Variants in TAFA1 observed in about 807,000 individuals in gnomAD.
TAFA1 encodes the protein TAFA chemokine like family member 1, also known as chemokine-like protein TAFA-1.
TAFA1 carries 4 observed loss-of-function variants against 18.5 expected under a neutral mutation model. The ratio of observed to expected loss-of-function variants is 0.22; its 90% CI spans 0.11 to 0.49. The LOEUF (loss-of-function observed/expected upper bound fraction) is 0.49. Among genes scored for constraint, TAFA1 ranks in the 20% least tolerant of loss-of-function variants. The pLI, the probability that TAFA1 is intolerant of heterozygous loss-of-function variation, is 0.98. For missense variants in TAFA1, 147 were observed against 169.0 expected (o/e 0.87, Z 0.72); for synonymous variants, 56 against 55.2 (o/e 1.01, Z -0.06).
At chr3:68,244,806 T>G (rs890561374) in intron 2 of TAFA1, among the ~76,000 whole-genome samples, 1 of 152,240 alleles carries the variant, frequency 6.6e-6, no homozygotes, top group African/African-American at 2.4e-5. Flanking sequence ...TATTAACTGA[T>G]TATTATTTGC....
At chr3:68,120,400 C>G (rs1196960702) in intron 2 of TAFA1, among the ~76,000 whole-genome samples, 1 of 151,984 alleles carries the variant, frequency 6.6e-6, no homozygotes, top group East Asian at 1.9e-4. Flanking sequence ...AGGTGTACAG[C>G]ACTGCACCTG....
intron 2 of TAFA1, among the ~76,000 whole-genome samples, chr3:68,060,204 T>TTG (rs56680758): frequency 0.017 from 2,546 of 150,022 alleles, 58 homozygotes; most frequent in African/African-American, 0.048. Flanking sequence ...GTGTGTGTGT[T>TTG]TGTGTGTGTG....
chr3:68,162,810 A>T (rs980470209), intron 2 of TAFA1, among the ~76,000 whole-genome samples: 1 of 152,228 alleles, frequency 6.6e-6, no homozygotes, highest in African/African-American at 2.4e-5. Context: ...ATGTTATCTG[A>T]AAAACCTAAA....
chr3:68,008,457 A>T (rs1704407553), intron 2 of TAFA1, among the ~76,000 whole-genome samples: 1 of 152,172 alleles, frequency 6.6e-6, no homozygotes, highest in East Asian at 1.9e-4. Context: ...GGCTCTGAGG[A>T]TTAGTTCACA....
At chr3:68,384,532 G>C (rs1354135960) in intron 2 of TAFA1, among the ~76,000 whole-genome samples, 2 of 151,998 alleles carry the variant, frequency 1.3e-5, no homozygotes, top group Non-Finnish European at 2.9e-5. Flanking sequence ...CAGAAAGATT[G>C]TTTATTGTGG....
intron 2 of TAFA1, among the ~76,000 whole-genome samples, chr3:68,348,514 C>G (rs761374543): frequency 2.0e-5 from 3 of 152,108 alleles, no homozygotes; most frequent in Non-Finnish European, 4.4e-5. Flanking sequence ...CCATTGCAAG[C>G]TACCTGAGAC....
At chr3:68,208,092 A>G (rs894787338) in intron 2 of TAFA1, among the ~76,000 whole-genome samples, 2 of 151,908 alleles carry the variant, frequency 1.3e-5, no homozygotes, top group Non-Finnish European at 2.9e-5. Flanking sequence ...AGAGAAGATG[A>G]GGTTATTTTT....
At chr3:68,357,681 A>C (rs2069391442) in intron 2 of TAFA1, among the ~76,000 whole-genome samples, 1 of 151,852 alleles carries the variant, frequency 6.6e-6, no homozygotes, top group African/African-American at 2.4e-5. Context: ...GGCTCTTGTC[A>C]ACTATATTCT....
At chr3:68,487,523 G>A (rs577649568) in intron 3 of TAFA1, among the ~76,000 whole-genome samples, 6 of 152,008 alleles carry the variant, frequency 3.9e-5, no homozygotes, top group South Asian at 2.1e-4. Context: ...CGAGGCGGGC[G>A]GATCACAAGG....
intron 2 of TAFA1, among the ~76,000 whole-genome samples, chr3:68,072,597 C>T (rs531892377): frequency 3.9e-5 from 6 of 152,044 alleles, no homozygotes; most frequent in Admixed American, 1.3e-4. Flanking sequence ...AAAATAGGCA[C>T]GTCCTGATTT....
intron 2 of TAFA1, chr3:68,251,040 A>G (rs1275818849): frequency 6.6e-6 from 1 of 152,160 alleles, no homozygotes; most frequent in Non-Finnish European, 1.5e-5. Flanking sequence ...ACCAGCAAGC[A>G]GTGATAAATG....
At chr3:68,484,788 T>C (rs2072306647) in intron 3 of TAFA1, among the ~76,000 whole-genome samples, 1 of 152,196 alleles carries the variant, frequency 6.6e-6, no homozygotes, top group Admixed American at 6.5e-5. Context: ...GCCCACATTC[T>C]CCCCTTCTAC....
intron 2 of TAFA1, among the ~76,000 whole-genome samples, chr3:68,241,932 A>T (rs1006107127): frequency 6.6e-6 from 1 of 152,230 alleles, no homozygotes; most frequent in African/African-American, 2.4e-5. Flanking sequence ...TTTGCAAATT[A>T]TCTGAATAGT....
At chr3:68,238,050 A>G (rs2066951149) in intron 2 of TAFA1, among the ~76,000 whole-genome samples, 1 of 151,982 alleles carries the variant, frequency 6.6e-6, no homozygotes, top group Non-Finnish European at 1.5e-5. Flanking sequence ...CCTCACCACT[A>G]AATACTGAAA....
At chr3:68,114,746 A>G (rs945555628) in intron 2 of TAFA1, among the ~76,000 whole-genome samples, 4 of 152,212 alleles carry the variant, frequency 2.6e-5, no homozygotes, top group Non-Finnish European at 4.4e-5. Context: ...ACTAAGAAAT[A>G]TATATGAGTG....
intron 2 of TAFA1, among the ~76,000 whole-genome samples, chr3:68,370,351 T>TATAC (rs1201597484): frequency 4.0e-4 from 18 of 44,454 alleles, no homozygotes; most frequent in Non-Finnish European, 6.5e-4. Context: ...TATATATATA[T>TATAC]ATACACACAC....
intron 2 of TAFA1, among the ~76,000 whole-genome samples, chr3:68,042,794 A>G (rs1476119778): frequency 6.6e-6 from 1 of 152,246 alleles, no homozygotes; most frequent in African/African-American, 2.4e-5. Flanking sequence ...TGACAGGCAC[A>G]GAGGCTGGTG....
intron 3 of TAFA1, among the ~76,000 whole-genome samples, chr3:68,446,902 A>G (rs1277644433): frequency 2.0e-5 from 3 of 152,186 alleles, no homozygotes; most frequent in Non-Finnish European, 2.9e-5. Context: ...ACAGATCTGT[A>G]TCAATCCAGT....
chr3:68,245,523 A>T (rs1244821818), intron 2 of TAFA1, among the ~76,000 whole-genome samples: 1 of 152,208 alleles, frequency 6.6e-6, no homozygotes, highest in African/African-American at 2.4e-5. Flanking sequence ...ATAGATATGG[A>T]TACTAAGACA....
Sources: allele counts gnomAD v4.1 joint callset (sites outside exome capture counted in the v4.1 genomes callset), GRCh38; gene constraint gnomAD v4.1.1; transcripts MANE v1.5; gene names NCBI Gene and HGNC (gene_info 2026-07-23, HGNC 2026-07-21).